Variants in GPHN observed in about 807,000 individuals in gnomAD.
The protein encoded by GPHN is gephyrin.
In GPHN, 17 loss-of-function variants were observed where a neutral mutation model predicts 95.5. The observed-to-expected ratio is 0.18, with a 90% CI of 0.12 to 0.27. GPHN has a LOEUF of 0.27. Ranked by LOEUF, GPHN falls within the 10% of genes least tolerant of loss-of-function variation. The pLI is 1.00. For synonymous variants in GPHN, 320 were observed against 322.5 expected (o/e 0.99, Z 0.08); for missense variants, 660 against 978.1 (o/e 0.67, Z 4.34).
intron 1 of GPHN, among the ~76,000 whole-genome samples, chr14:66,546,193 C>A (rs1376268535): frequency 6.6e-6 from 1 of 150,852 alleles, no homozygotes; most frequent in Non-Finnish European, 1.5e-5. Flanking sequence ...AAGAGGCGCT[C>A]CTCACTTCCT....
chr14:67,288,233 C>T, the GPHN span, among the ~76,000 whole-genome samples: 1 of 152,184 alleles, frequency 6.6e-6, no homozygotes, highest in African/African-American at 2.4e-5. Flanking sequence ...ACATGTGCCA[C>T]CACACCCAGC....
At chr14:67,408,831 G>A in the GPHN span, among the ~76,000 whole-genome samples, 2 of 151,882 alleles carry the variant, frequency 1.3e-5, no homozygotes, top group Non-Finnish European at 2.9e-5. Context: ...TTTACTCTTC[G>A]GATTTTAATA....
the GPHN span, chr14:67,572,009 C>T: frequency 6.7e-7 from 1 of 1,483,296 alleles, no homozygotes; most frequent in South Asian, 1.3e-5. Flanking sequence ...CTCGTGACCC[C>T]CCAGCAGCTC....
At chr14:67,557,807 C>T in the GPHN span, among the ~76,000 whole-genome samples, 7 of 152,340 alleles carry the variant, frequency 4.6e-5, no homozygotes, top group East Asian at 1.3e-3. Context: ...TAGTGTCAGG[C>T]ACGTGGTCAG....
chr14:67,293,642 A>T, the GPHN span, among the ~76,000 whole-genome samples: 3 of 152,192 alleles, frequency 2.0e-5, no homozygotes, highest in Non-Finnish European at 4.4e-5. Context: ...CATTACCTTG[A>T]TCTTATACTA....
At chr14:66,567,018 A>G (rs1172576357) in intron 1 of GPHN, among the ~76,000 whole-genome samples, 2 of 152,204 alleles carry the variant, frequency 1.3e-5, no homozygotes, top group Non-Finnish European at 2.9e-5. Context: ...TGGAGCTAGC[A>G]CTGCTCAGGT....
At position 66,595,785 on chromosome 14, in the gene GPHN, TTC is replaced by T. The variant is rs561143993; in HGVS notation, c.65-85317_65-85316del. ...TGGGCTCCCTGAAGTGCTACAGCTC[TTC>T]TCTCCTTCTTGTCACCTGCAACGTG... On this transcript the variant is annotated intron_variant, in intron 1 of 22. Coordinates refer to ENST00000478722, the MANE Select transcript of GPHN (RefSeq NM_020806.5). 2.9e-3 allele frequency among the ~76,000 whole-genome samples: 368 copies of T among 128,418 alleles called. 4 individuals are homozygous for T. The highest frequency in any genetic ancestry group is 0.014 in the African/African-American group (347 of 24,032). 84.2% of individuals were successfully genotyped at this position (128,418 alleles called of 152,430 possible). A position where few individuals can be genotyped will look rare whatever the true frequency, so the allele number is the denominator to read the frequency against.
chr14:66,618,689 G>C (rs2063155087), intron 1 of GPHN, among the ~76,000 whole-genome samples: 1 of 152,216 alleles, frequency 6.6e-6, no homozygotes, highest in African/African-American at 2.4e-5. Context: ...AGTTGACAGA[G>C]TTTACCAGTC....
chr14:66,851,234 T>C (rs2062570225), intron 4 of GPHN, among the ~76,000 whole-genome samples: 1 of 151,872 alleles, frequency 6.6e-6, no homozygotes, highest in Non-Finnish European at 1.5e-5. Context: ...ACCATCCAGA[T>C]CAAGAAACCA....
chr14:67,443,777 A>G, the GPHN span, among the ~76,000 whole-genome samples: 3 of 152,164 alleles, frequency 2.0e-5, no homozygotes, highest in African/African-American at 7.2e-5. Flanking sequence ...TCTAAAAAAT[A>G]AAAAGAAAAA....
At chr14:66,539,782 T>C (rs1308848405) in intron 1 of GPHN, among the ~76,000 whole-genome samples, 1 of 152,116 alleles carries the variant, frequency 6.6e-6, no homozygotes, top group Admixed American at 6.6e-5. Context: ...TCAGTCTCTG[T>C]CCAGAATTTT....
intron 11 of GPHN, among the ~76,000 whole-genome samples, chr14:67,087,204 C>G (rs1470605092): frequency 6.6e-6 from 1 of 152,146 alleles, no homozygotes; most frequent in Non-Finnish European, 1.5e-5. Context: ...AGCCCTTGTG[C>G]TATCTCTGAT....
chr14:67,081,160 C>T (rs2076680936), intron 11 of GPHN, among the ~76,000 whole-genome samples: 2 of 152,162 alleles, frequency 1.3e-5, no homozygotes, highest in East Asian at 1.9e-4. Context: ...GGTAGTTCTA[C>T]TTTCAGTTCT....
At chr14:67,691,222 C>G in the GPHN span, 23 of 1,613,720 alleles carry the variant, frequency 1.4e-5, no homozygotes, top group Non-Finnish European at 1.9e-5. Flanking sequence ...CATTGTTGAT[C>G]AAAACGTGGA....
At chr14:66,812,865 A>G (rs1365286916) in intron 3 of GPHN, among the ~76,000 whole-genome samples, 1 of 152,228 alleles carries the variant, frequency 6.6e-6, no homozygotes, top group Non-Finnish European at 1.5e-5. Flanking sequence ...TTGAAATTAT[A>G]TGTAGAATGA....
intron 9 of GPHN, among the ~76,000 whole-genome samples, chr14:66,987,706 T>C (rs769077260): frequency 1.3e-5 from 2 of 152,078 alleles, no homozygotes; most frequent in Non-Finnish European, 2.9e-5. Context: ...TTTTCTCTAA[T>C]GCTTTGGGGA....
chr14:67,196,469 G>C, the GPHN span, among the ~76,000 whole-genome samples: 1 of 152,122 alleles, frequency 6.6e-6, no homozygotes, highest in African/African-American at 2.4e-5. Context: ...TGATCTGCCC[G>C]CCTTGGCCTC....
chr14:67,526,807 T>G, the GPHN span, among the ~76,000 whole-genome samples: 21 of 152,078 alleles, frequency 1.4e-4, no homozygotes, highest in African/African-American at 5.1e-4. Flanking sequence ...CTGGCAGTCA[T>G]GTCCAGGGCT....
At chr14:66,580,591 T>C (rs2061116569) in intron 1 of GPHN, among the ~76,000 whole-genome samples, 1 of 151,710 alleles carries the variant, frequency 6.6e-6, no homozygotes, top group South Asian at 2.1e-4. Flanking sequence ...ATAACCTAAA[T>C]TCCTGGAAAC....
Sources: gnomAD v4.1 joint callset for allele counts (sites outside exome capture counted in the v4.1 genomes callset) on GRCh38, gnomAD v4.1.1 for gene constraint, MANE v1.5 for transcripts, NCBI Gene and HGNC (gene_info 2026-07-23, HGNC 2026-07-21) for gene names.